The following ANKRD46 variants were observed in gnomAD, a reference collection of about 807,000 sequenced individuals.
ANKRD46 encodes the protein ankyrin repeat domain-containing protein 46.
Under a neutral mutation model 19.8 loss-of-function variants are expected in ANKRD46, and 13 were observed. That is an observed-to-expected ratio of 0.66 (90% CI 0.43 to 1.04). The LOEUF (loss-of-function observed/expected upper bound fraction) is 1.04. Ranked by LOEUF, ANKRD46 falls within the 50% of genes least tolerant of loss-of-function variation. ANKRD46 has a pLI of 0.00. For synonymous variants in ANKRD46, 91 were observed against 106.9 expected, an observed-to-expected ratio of 0.85 and a Z score of 0.92; for missense variants, 185 against 274.8, an observed-to-expected ratio of 0.67 and a Z score of 2.31.
intron 1 of ANKRD46, among the ~76,000 whole-genome samples, chr8:100,549,533 G>A (rs1812339736): frequency 6.6e-6 from 1 of 152,072 alleles, no homozygotes; most frequent in Non-Finnish European, 1.5e-5. Context: ...TCACAACTGA[G>A]CTGTGAGCAT....
downstream of ANKRD46, among the ~76,000 whole-genome samples, chr8:100,520,232 A>G (rs1483381599): frequency 2.0e-5 from 3 of 152,212 alleles, no homozygotes; most frequent in African/African-American, 7.2e-5. Context: ...AGAAAGGAAA[A>G]AAAGTAAGTA....
At chr8:100,515,089 T>G (rs1475429462) in intron 5 of ANKRD46, among the ~76,000 whole-genome samples, 1 of 152,144 alleles carries the variant, frequency 6.6e-6, no homozygotes, top group Non-Finnish European at 1.5e-5. Context: ...GTAAATGTTT[T>G]TTTGTTTTTG....
intron 1 of ANKRD46, among the ~76,000 whole-genome samples, chr8:100,548,682 A>G (rs938302316): frequency 1.3e-5 from 2 of 152,218 alleles, no homozygotes; most frequent in South Asian, 2.1e-4. Flanking sequence ...CATTCAAACA[A>G]GTCTTTCAGT....
chr8:100,544,507 A>T lies in ANKRD46; in HGVS notation c.-130-11196T>A, dbSNP rs1037625480. 6.6e-6 allele frequency among the ~76,000 whole-genome samples: 1 copy of T among 152,232 alleles called. No individual in the cohort carries two copies. Among genetic ancestry groups the T allele is most frequent in the Non-Finnish European group, 1.5e-5 (1 of 68,048 alleles). ...AATCAAGTGATCTTAAGTGATAAAT[A>T]GCGAAGGCAGACTTCCAGACTTGAA... On this transcript the variant is annotated intron_variant, in intron 1 of 4. Transcript: ENST00000335659. The surrounding 1 kb of genome is among the most constrained non-coding windows in gnomAD (Gnocchi z 4.4).
rs1182251502 is a variant in ANKRD46, at chr8:100,510,683, AGTTCT to A, written c.637-49_637-45del. On this transcript the variant is annotated intron_variant, in intron 5 of 5. Transcript: ENST00000520552. The surrounding 1 kb of genome is among the most constrained non-coding windows in gnomAD (Gnocchi z 4.9). ...CAGATTAAAAAAAAAAAAAAATCCCAGTTCTGTTAAGCTGCAGAGATGTGCCAGGA... is the reference window on the plus strand; with the variant it reads ...CAGATTAAAAAAAAAAAAAAATCCCAGTTAAGCTGCAGAGATGTGCCAGGA... 2 of 1,464,414 alleles carry A rather than the reference AGTTCT, an allele frequency of 1.4e-6. No individual in the cohort carries two copies. Among genetic ancestry groups the A allele is most frequent in the East Asian group, 5.0e-5 (2 of 40,392 alleles). The allele number at this position is 1,464,414 out of a possible 1,614,324, so 90.7% of individuals were successfully genotyped here.
At chr8:100,535,331 T>G (rs974573291) in intron 1 of ANKRD46, among the ~76,000 whole-genome samples, 3 of 152,206 alleles carry the variant, frequency 2.0e-5, no homozygotes, top group African/African-American at 7.2e-5. Flanking sequence ...TTTTTTAAAT[T>G]AAACTTTTTG....
At chr8:100,531,712 T>G (rs1167328910) in intron 2 of ANKRD46, among the ~76,000 whole-genome samples, 3 of 152,144 alleles carry the variant, frequency 2.0e-5, no homozygotes, top group African/African-American at 4.8e-5. Flanking sequence ...GGTACAATCA[T>G]GGCTCACTGC....
rs563443346 is a variant in ANKRD46, at chr8:100,537,614, G to A, written c.-130-4303C>T. 2.0e-5 allele frequency among the ~76,000 whole-genome samples: 3 copies of A among 152,300 alleles called. No homozygotes were observed. In the South Asian group the frequency reaches 6.2e-4, roughly 32 times the overall value. On this transcript the variant is annotated intron_variant, in intron 1 of 4. Coordinates refer to ENST00000335659, the MANE Select transcript of ANKRD46 (RefSeq NM_001270377.2). This position sits in a 1 kb window ranked among gnomAD's most constrained non-coding sequence, Gnocchi z 4.2. ...TGAAGTCATTAAATCCTAACTGCTA[G>A]TACTTTAAAATTACTGTTCTTAAAA... is the stretch of plus-strand genomic sequence containing the variant.
At chr8:100,516,108 G>A (rs945001287), downstream of ANKRD46, among the ~76,000 whole-genome samples, 7 of 152,238 alleles carry the variant, frequency 4.6e-5, no homozygotes, top group Admixed American at 2.6e-4. Flanking sequence ...TCGACCTCAG[G>A]TGATCCACCC....
intron 4 of ANKRD46, among the ~76,000 whole-genome samples, chr8:100,526,763 G>C (rs1811851010): frequency 6.6e-6 from 1 of 152,102 alleles, no homozygotes; most frequent in Non-Finnish European, 1.5e-5. Flanking sequence ...GGGTACAAAG[G>C]AATCAAATGA....
rs538029379 is a variant in ANKRD46, at chr8:100,524,751, A to G, written c.471-1980T>C. 6.6e-6 allele frequency among the ~76,000 whole-genome samples: 1 copy of G among 152,296 alleles called. No individual in the cohort carries two copies. The highest frequency in any genetic ancestry group is 2.4e-5 in the African/African-American group (1 of 41,552). ...TGCCCTTATACATGTTAGGTATAAA[A>G]TGAAAATTCCATGAGCATTCTCATT... On this transcript the variant is annotated intron_variant, in intron 4 of 4. Transcript: ENST00000335659. This position sits in a 1 kb window ranked among gnomAD's most constrained non-coding sequence, Gnocchi z 4.3.
intron 1 of ANKRD46, among the ~76,000 whole-genome samples, chr8:100,542,594 T>A (rs952567717): frequency 1.4e-4 from 21 of 152,146 alleles, no homozygotes; most frequent in African/African-American, 4.8e-4. Context: ...CTGCTGTCCC[T>A]GCTCTGGACT....
Position 100,530,004 on chromosome 8 carries a change from T to C in ANKRD46, c.-27-144A>G, listed in dbSNP as rs534632969. On this transcript the variant is annotated intron_variant, in intron 2 of 4. Transcript: ENST00000335659. ...CCAAACAGAAACAACAACAAAGTTA[T>C]CAATTGTATTTTATTTTCCATTAAA... 4.7e-5 allele frequency: 28 copies of C among 591,758 alleles called. No homozygotes were observed. The African/African-American group carries it at 5.0e-4, about 11-fold the overall frequency. 36.7% of individuals were successfully genotyped at this position (591,758 alleles called of 1,614,324 possible). A position where few individuals can be genotyped will look rare whatever the true frequency, so the allele number is the denominator to read the frequency against.
chr8:100,531,583 C>T (rs1336231171), intron 2 of ANKRD46, among the ~76,000 whole-genome samples: 4 of 152,072 alleles, frequency 2.6e-5, no homozygotes, highest in African/African-American at 7.2e-5. Context: ...ATTTAATCTT[C>T]CTAACAACTC....
chr8:100,546,925 T>C lies in ANKRD46; in HGVS notation c.-131+12786A>G, dbSNP rs756261507. Among the ~76,000 whole-genome samples the C allele has an allele frequency of 2.0e-5, 3 of 152,182 alleles. No homozygotes were observed. The highest frequency in any genetic ancestry group is 6.5e-5 in the Admixed American group (1 of 15,282). On this transcript the variant is annotated intron_variant, in intron 1 of 4. Transcript: ENST00000335659. This position sits in a 1 kb window ranked among gnomAD's most constrained non-coding sequence, Gnocchi z 4.0. Reference sequence around the variant, plus strand: ...GACTTGCATGAGGCCTGAGGCCCCTTTGTTTTGGCCAATTTCTCCCATTTG... The same window carrying C: ...GACTTGCATGAGGCCTGAGGCCCCTCTGTTTTGGCCAATTTCTCCCATTTG...
In ANKRD46 at chr8:100,551,727, C is replaced by T. The variant is rs141914126; in HGVS notation, c.-131+7984G>A. The T allele has an allele frequency of 1.9e-4, 113 of 583,286 alleles. 1 individual carries two copies. The East Asian group carries it at 4.2e-3, about 22-fold the overall frequency. The allele number at this position is 583,286 out of a possible 1,614,324, so 36.1% of individuals were successfully genotyped here. A position where few individuals can be genotyped will look rare whatever the true frequency, so the allele number is the denominator to read the frequency against. ...CACCTTCACCATGATGTCTTAGAGA[C>T]ATGGCTTTGAGAAGAGGATGGTCAG... On this transcript the variant is annotated intron_variant, in intron 1 of 4. Coordinates refer to ENST00000335659, the MANE Select transcript of ANKRD46 (RefSeq NM_001270377.2).
Position 100,551,729 on chromosome 8 carries a change from T to C in ANKRD46, c.-131+7982A>G, listed in dbSNP as rs1812394581. ...CCTTCACCATGATGTCTTAGAGACA[T>C]GGCTTTGAGAAGAGGATGGTCAGCA... is the stretch of plus-strand genomic sequence containing the variant. On this transcript the variant is annotated intron_variant, in intron 1 of 4. Transcript: ENST00000335659. The C allele has an allele frequency of 6.9e-6, 4 of 581,088 alleles. No homozygotes were observed. The Admixed American group carries it at 8.0e-5, about 12-fold the overall frequency. The allele number at this position is 581,088 out of a possible 1,614,324, so 36.0% of individuals were successfully genotyped here.
In ANKRD46 at chr8:100,511,126, C is replaced by T. The variant is rs780294485; in HGVS notation, c.637-487G>A. 2.2e-4 allele frequency among the ~76,000 whole-genome samples: 34 copies of T among 152,156 alleles called. No homozygotes were observed. Among genetic ancestry groups the T allele is most frequent in the Non-Finnish European group, 3.4e-4 (23 of 68,026 alleles). The stretch of plus-strand genomic sequence containing the variant: ...GCTGTGCACCAACAACAGTGTTGAG[C>T]GGCTTACACATCGCAGCTGATCCCC... On this transcript the variant is annotated intron_variant, in intron 5 of 5. Transcript: ENST00000520552. This position sits in a 1 kb window ranked among gnomAD's most constrained non-coding sequence, Gnocchi z 4.1.
In ANKRD46 at chr8:100,545,632, G is replaced by A. The variant is rs1812258222; in HGVS notation, c.-130-12321C>T. On this transcript the variant is annotated intron_variant, in intron 1 of 4. Transcript: ENST00000335659. This position sits in a 1 kb window ranked among gnomAD's most constrained non-coding sequence, Gnocchi z 4.7. ...GAATTAGTACCAGGAGTAGGGCACTGCTATAAAAATAACCTGAAAAAATGG... is the reference window on the plus strand; with the variant it reads ...GAATTAGTACCAGGAGTAGGGCACTACTATAAAAATAACCTGAAAAAATGG... Among the ~76,000 whole-genome samples the A allele has an allele frequency of 6.6e-6, 1 of 152,184 alleles. No homozygotes were observed. The highest frequency in any genetic ancestry group is 2.1e-4 in the South Asian group (1 of 4,828).
Sources: gnomAD v4.1 joint callset for allele counts (sites outside exome capture counted in the v4.1 genomes callset) on GRCh38, gnomAD v4.1.1 for gene constraint, Gnocchi (gnomAD v3.1) non-coding constraint, MANE v1.5 for transcripts, NCBI Gene and HGNC (gene_info 2026-07-23, HGNC 2026-07-21) for gene names.